The following ERCC8 variants were observed in gnomAD, a reference collection of about 807,000 sequenced individuals.
ERCC8 encodes the protein DNA excision repair protein ERCC-8.
ERCC8 carries 52 observed loss-of-function variants against 54.9 expected under a neutral mutation model. That is an observed-to-expected ratio of 0.95 (90% CI 0.76 to 1.19). The LOEUF (loss-of-function observed/expected upper bound fraction) is 1.19. Among genes scored for constraint, ERCC8 ranks in the 50% most tolerant of loss-of-function variants. The probability of loss-of-function intolerance (pLI) is 0.00; values close to 1 mark genes in which losing one functional copy is unlikely to be tolerated. For synonymous variants in ERCC8, 146 were observed against 157.2 expected (o/e 0.93, Z 0.53); for missense variants, 514 against 466.1 (o/e 1.10, Z -0.95).
intron 5 of ERCC8, 107 bp downstream of exon 5, chr5:60,904,671 TATATATATATATAA>T (rs1749014564): frequency 1.2e-5 from 2 of 167,784 alleles, no homozygotes; most frequent in African/African-American, 2.9e-5. Flanking sequence ...TATATATATA[TATATATATATATAA>T]AATTGTGATA....
At chr5:60,922,261 T>C (rs937548160) in intron 2 of ERCC8, 106 bp from the exon 3 acceptor site, 8 of 693,360 alleles carry the variant, frequency 1.2e-5, no homozygotes, top group Admixed American at 2.2e-5. Flanking sequence ...CTCAAATGTA[T>C]TAAGGATACA....
chr5:60,914,789 TAA>T (rs55638584), intron 4 of ERCC8, among the ~76,000 whole-genome samples: 55 of 121,336 alleles, frequency 4.5e-4, no homozygotes, highest in Admixed American at 5.3e-4. Flanking sequence ...TCTTGTCTCT[TAA>T]AAAAAAAAAA....
chr5:60,891,419 T>C (rs971830371), intron 9 of ERCC8, among the ~76,000 whole-genome samples: 9 of 152,154 alleles, frequency 5.9e-5, no homozygotes, highest in African/African-American at 2.2e-4. Context: ...GGTAAACATG[T>C]TGGTGGCAGT....
intron 3 of ERCC8, among the ~76,000 whole-genome samples, chr5:60,919,827 G>C (rs547052107): frequency 6.6e-6 from 1 of 151,922 alleles, no homozygotes; most frequent in South Asian, 2.1e-4. Flanking sequence ...GTATAGTGAA[G>C]ATTTGCATTA....
chr5:60,908,213 T>C (rs1038096097), intron 4 of ERCC8, among the ~76,000 whole-genome samples: 3 of 152,108 alleles, frequency 2.0e-5, no homozygotes, highest in African/African-American at 7.2e-5. Context: ...TGTTTCAGAG[T>C]TCAGATTTTT....
rs1161055084 is a variant in ERCC8 at position 60,891,077 on chromosome 5, C to T, written c.853G>A (p.Gly285Arg). 1 of 1,602,514 alleles carries T rather than the reference C, an allele frequency of 6.2e-7. No individual in the cohort carries two copies. Among genetic ancestry groups the T allele is most frequent in the South Asian group, 1.1e-5 (1 of 90,760 alleles). Residue 285 changes from glycine (G) to arginine (R), a missense_variant, in exon 10 of 12, where the codon GGA (glycine) becomes AGA (arginine). Physicochemically the swap from Gly to Arg is moderately radical, Grantham distance 125. Coordinates refer to ENST00000676185, the MANE Select transcript of ERCC8 (RefSeq NM_000082.4). The stretch of plus-strand genomic sequence containing the variant: ...TTTTTACTGTTATTACAAACTTTTC[C>T]ATAGTTCACCTGTAGGATTAAAATA... Reference protein sequence around the residue: ...SNGENTLVNYGKVCNNSKKGL... With the variant: ...SNGENTLVNYRKVCNNSKKGL...
At chr5:60,919,383 A>G (rs1749535920) in intron 3 of ERCC8, 1 of 151,968 alleles carries the variant, frequency 6.6e-6, no homozygotes, top group Admixed American at 6.6e-5. Context: ...ATAGAAAACA[A>G]AAGTTAACAG....
chr5:60,883,672 T>TA (rs1337440254), intron 11 of ERCC8, among the ~76,000 whole-genome samples: 2 of 152,198 alleles, frequency 1.3e-5, no homozygotes, highest in East Asian at 3.8e-4. Flanking sequence ...ACACAAGTGA[T>TA]ATGTAAAACA....
chr5:60,877,658 G>C (rs1368337561), intron 11 of ERCC8, among the ~76,000 whole-genome samples: 1 of 151,966 alleles, frequency 6.6e-6, no homozygotes, highest in South Asian at 2.1e-4. Context: ...AAGTTCACTC[G>C]TGATTTGGCT....
Position 60,899,675 on chromosome 5 carries a change from T to G in ERCC8, c.670A>C (p.Ile224Leu). 6.2e-7 allele frequency: 1 copy of G among 1,612,516 alleles called. No individual in the cohort carries two copies. The highest frequency in any genetic ancestry group is 8.5e-7 in the Non-Finnish European group (1 of 1,179,016). ...TTCCCATTATGTTGATCAAGAGTAA[T>G]CAAACATCCTGATGCTCTTCTCACA... Reference protein sequence around the residue: ...WDVRRASGCLITLDQHNGKKS... With the variant: ...WDVRRASGCLLTLDQHNGKKS... Residue 224 changes from isoleucine (I) to leucine (L), a missense_variant, in exon 8 of 12, where the codon ATT (isoleucine) becomes CTT (leucine). Ile to Leu is a conservative substitution (Grantham distance 5). Coordinates refer to ENST00000676185, the MANE Select transcript of ERCC8 (RefSeq NM_000082.4).
At chr5:60,880,196 C>T (rs1268067960) in intron 11 of ERCC8, among the ~76,000 whole-genome samples, 1 of 152,192 alleles carries the variant, frequency 6.6e-6, no homozygotes, top group Admixed American at 6.5e-5. Context: ...TATTGGCCCC[C>T]ACTCTCTTCT....
At chr5:60,944,641 G>A (rs535557723) in intron 1 of ERCC8, among the ~76,000 whole-genome samples, 2 of 151,946 alleles carry the variant, frequency 1.3e-5, no homozygotes, top group Non-Finnish European at 2.9e-5. Flanking sequence ...AAGAGAGAAG[G>A]AATACAGTAC....
chr5:60,892,603 A>T (rs1285155792), intron 9 of ERCC8: 1 of 668,502 alleles, frequency 1.5e-6, no homozygotes, highest in African/African-American at 1.8e-5. Flanking sequence ...GTAGTCTGGT[A>T]CCCAGAGAGA....
At chr5:60,931,883 G>T (rs573718723) in intron 1 of ERCC8, among the ~76,000 whole-genome samples, 1 of 152,104 alleles carries the variant, frequency 6.6e-6, no homozygotes, top group African/African-American at 2.4e-5. Context: ...AAGAAGCATG[G>T]CTCCCATTAC....
rs1747795997 is a variant in ERCC8, at chr5:60,868,371, C to G, written c.*6244G>C. ...CGGAGAGCGGTTATCAATCCACTAG[C>G]ACAAAGTTTACCAGTATCTTCATGA... On this transcript the variant is annotated 3_prime_UTR_variant, in exon 12 of 12. Coordinates refer to ENST00000676185, the MANE Select transcript of ERCC8 (RefSeq NM_000082.4). Among the ~76,000 whole-genome samples the G allele has an allele frequency of 6.6e-6, 1 of 152,164 alleles. No individual in the cohort carries two copies. Among genetic ancestry groups the G allele is most frequent in the Non-Finnish European group, 1.5e-5 (1 of 68,032 alleles).
chr5:60,911,037 T>C (rs1347867081), intron 4 of ERCC8, among the ~76,000 whole-genome samples: 1 of 152,142 alleles, frequency 6.6e-6, no homozygotes, highest in Non-Finnish European at 1.5e-5. Flanking sequence ...ATTCCTAGTA[T>C]GCAGAGAATT....
intron 4 of ERCC8, among the ~76,000 whole-genome samples, chr5:60,911,883 T>C (rs1214238819): frequency 1.3e-5 from 2 of 152,192 alleles, no homozygotes; most frequent in African/African-American, 2.4e-5. Flanking sequence ...GTCAGGTTTG[T>C]CAAAGATTGG....
intron 11 of ERCC8, among the ~76,000 whole-genome samples, chr5:60,886,531 G>A (rs1269398601): frequency 1.3e-5 from 2 of 151,710 alleles, no homozygotes; most frequent in Non-Finnish European, 2.9e-5. Context: ...GTGAGACCAC[G>A]TCTCTACTAA....
intron 11 of ERCC8, among the ~76,000 whole-genome samples, chr5:60,875,532 A>G (rs1452585820): frequency 1.3e-5 from 2 of 152,192 alleles, no homozygotes; most frequent in Non-Finnish European, 2.9e-5. Context: ...GGGCTTTAAG[A>G]TGGTCTCATT....
Sources: allele counts gnomAD v4.1 joint callset (sites outside exome capture counted in the v4.1 genomes callset), GRCh38; gene constraint gnomAD v4.1.1; transcripts MANE v1.5; gene names NCBI Gene and HGNC (gene_info 2026-07-23, HGNC 2026-07-21).